The following SLC22A23 variants were observed in gnomAD, a reference collection of about 807,000 sequenced individuals.
The protein encoded by SLC22A23 is solute carrier family 22 member 23, also known as ion transporter protein.
SLC22A23 carries 26 observed loss-of-function variants against 61.0 expected under a neutral mutation model. That is an observed-to-expected ratio of 0.43 (90% CI 0.31 to 0.59). The LOEUF (loss-of-function observed/expected upper bound fraction) is 0.59, where lower values mean the gene tolerates loss of function less well. Among genes scored for constraint, SLC22A23 ranks in the 20% least tolerant of loss-of-function variants. SLC22A23 has a pLI of 0.11. For missense variants in SLC22A23, 796 were observed against 934.7 expected (o/e 0.85, Z 1.94); for synonymous variants, 430 against 413.9 (o/e 1.04, Z -0.47).
chr6:3,412,074 G>C (rs1769296042), intron 2 of SLC22A23, among the ~76,000 whole-genome samples: 2 of 152,186 alleles, frequency 1.3e-5, no homozygotes, highest in East Asian at 1.9e-4. Context: ...TAGGGGGGAT[G>C]ATGGGCACAG....
chr6:3,334,383 A>G (rs1581706215), intron 3 of SLC22A23, among the ~76,000 whole-genome samples: 1 of 150,548 alleles, frequency 6.6e-6, no homozygotes, highest in Admixed American at 6.6e-5. Flanking sequence ...CTGGTCTTGA[A>G]CTCCTGACCT....
chr6:3,335,521 C>T (rs1056188851), intron 3 of SLC22A23, among the ~76,000 whole-genome samples: 2 of 152,154 alleles, frequency 1.3e-5, no homozygotes, highest in African/African-American at 4.8e-5. Context: ...TTCCTCTCGC[C>T]CCATGTATCA....
At chr6:3,358,389 C>A (rs1240471722) in intron 3 of SLC22A23, among the ~76,000 whole-genome samples, 1 of 152,078 alleles carries the variant, frequency 6.6e-6, no homozygotes, top group Admixed American at 6.5e-5. Flanking sequence ...AATATGATTC[C>A]GCTTAAGAAC....
intron 4 of SLC22A23, among the ~76,000 whole-genome samples, chr6:3,305,003 C>A (rs1028257855): frequency 1.3e-5 from 2 of 152,030 alleles, no homozygotes; most frequent in African/African-American, 4.8e-5. Context: ...CCCAGGAGAT[C>A]TGGGCGCGAG....
chr6:3,381,143 A>G (rs1766926085), intron 3 of SLC22A23, among the ~76,000 whole-genome samples: 1 of 152,100 alleles, frequency 6.6e-6, no homozygotes, highest in Non-Finnish European at 1.5e-5. Context: ...TGTCTCCTTC[A>G]TCAGAGCCCG....
intron 3 of SLC22A23, among the ~76,000 whole-genome samples, chr6:3,382,589 C>G (rs28437727): frequency 0.013 from 1,959 of 152,324 alleles, 44 homozygotes; most frequent in African/African-American, 0.04. Flanking sequence ...GAGTCATCTA[C>G]GACAGAGGTT....
intron 1 of SLC22A23, among the ~76,000 whole-genome samples, chr6:3,441,480 A>C (rs916715589): frequency 2.8e-4 from 43 of 152,034 alleles, no homozygotes; most frequent in African/African-American, 1.0e-3. Flanking sequence ...CACTCTGCAC[A>C]TGTCCCTTCC....
In SLC22A23 at chr6:3,329,784, T is replaced by C. The variant is rs1257488295; in HGVS notation, c.914-5782A>G. Among the ~76,000 whole-genome samples the C allele has an allele frequency of 2.0e-5, 3 of 152,044 alleles. No homozygotes were observed. The highest frequency in any genetic ancestry group is 6.5e-5 in the Admixed American group (1 of 15,274). On this transcript the variant is annotated intron_variant, in intron 3 of 9. Transcript: ENST00000406686. This position sits in a 1 kb window ranked among gnomAD's most constrained non-coding sequence, Gnocchi z 4.8. ...CTATGTGTCGCTGGCCTCACAGACA[T>C]GAGGCCACCCTGCTAAGCTGCCCCG...
Position 3,269,768 on chromosome 6 carries a change from G to A in SLC22A23, c.*3287C>T, listed in dbSNP as rs1758357914. On this transcript the variant is annotated 3_prime_UTR_variant, in exon 10 of 10. Coordinates refer to ENST00000406686, the MANE Select transcript of SLC22A23 (RefSeq NM_015482.2). Reference sequence around the variant, plus strand: ...TTCTAGACGAGAGGACAGCTGTAGTGTGGACCTCCCCCGCACATGCGATAC... The same window carrying A: ...TTCTAGACGAGAGGACAGCTGTAGTATGGACCTCCCCCGCACATGCGATAC... 6.5e-6 allele frequency: 1 copy of A among 152,846 alleles called. No individual in the cohort carries two copies. The highest frequency in any genetic ancestry group is 2.4e-5 in the African/African-American group (1 of 41,476). 9.5% of individuals were successfully genotyped at this position (152,846 alleles called of 1,614,324 possible).
chr6:3,352,635 C>T (rs919979634), intron 3 of SLC22A23, among the ~76,000 whole-genome samples: 2 of 152,196 alleles, frequency 1.3e-5, no homozygotes, highest in Non-Finnish European at 2.9e-5. Flanking sequence ...GCTACTGGGA[C>T]TCACCTGAAT....
chr6:3,371,729 C>G (rs537895445), intron 3 of SLC22A23, among the ~76,000 whole-genome samples: 1 of 152,244 alleles, frequency 6.6e-6, no homozygotes, highest in East Asian at 1.9e-4. Flanking sequence ...ATGATGATAA[C>G]CACATTGATA....
intron 1 of SLC22A23, among the ~76,000 whole-genome samples, chr6:3,450,250 G>A (rs1324603612): frequency 1.3e-5 from 2 of 152,214 alleles, no homozygotes; most frequent in Non-Finnish European, 2.9e-5. Flanking sequence ...ATCCACTGTT[G>A]TTGCATATAC....
chr6:3,285,902 A>C (rs1759950669), intron 7 of SLC22A23, among the ~76,000 whole-genome samples: 1 of 152,096 alleles, frequency 6.6e-6, no homozygotes, highest in Admixed American at 6.5e-5. Flanking sequence ...ATGTTCCCGC[A>C]GTGTCCTGAG....
intron 9 of SLC22A23, among the ~76,000 whole-genome samples, chr6:3,280,356 C>T (rs902032657): frequency 6.6e-6 from 1 of 152,196 alleles, no homozygotes; most frequent in African/African-American, 2.4e-5. Flanking sequence ...CGGGCCATAT[C>T]ATCAGCACCC....
At chr6:3,406,054 C>T (rs1768804785) in intron 3 of SLC22A23, among the ~76,000 whole-genome samples, 1 of 152,018 alleles carries the variant, frequency 6.6e-6, no homozygotes, top group African/African-American at 2.4e-5. Context: ...GGGAAAAAAC[C>T]CTTCATTTGC....
At chr6:3,292,505 G>A (rs74830771) in intron 5 of SLC22A23, among the ~76,000 whole-genome samples, 10,941 of 152,266 alleles carry the variant, frequency 0.072, 1,401 homozygotes, top group African/African-American at 0.25. Flanking sequence ...GACAGAGGAG[G>A]AGGAGGACAC....
chr6:3,389,341 G>A (rs905149424), intron 3 of SLC22A23, among the ~76,000 whole-genome samples: 4 of 147,244 alleles, frequency 2.7e-5, no homozygotes, highest in Non-Finnish European at 6.0e-5. Flanking sequence ...ACAGAAGCAC[G>A]ATGCGAATAC....
chr6:3,371,274 G>T (rs1209796179), intron 3 of SLC22A23, among the ~76,000 whole-genome samples: 1 of 152,208 alleles, frequency 6.6e-6, no homozygotes, highest in African/African-American at 2.4e-5. Context: ...AATATTTTAG[G>T]TGCTGCAGGC....
In SLC22A23 at chr6:3,456,539, G is replaced by A. The variant is rs1180732188; in HGVS notation, c.21C>T (p.Arg7=). MAIDRR[R]EAAGGGPGRQ... ...GCCCAGGCCCGCCGCCCGCCGCCTC[G>A]CGCCGCCGGTCTATGGCCATGGCCC... is the stretch of plus-strand genomic sequence containing the variant. The change falls in exon 1 of 10, where the codon CGC becomes CGT. Residue 7 remains arginine (R), a synonymous_variant. Coordinates refer to ENST00000406686, the MANE Select transcript of SLC22A23 (RefSeq NM_015482.2). The surrounding 1 kb of genome is among the most constrained non-coding windows in gnomAD (Gnocchi z 7.1). 1.7e-5 allele frequency: 17 copies of A among 986,098 alleles called. No homozygotes were observed. The East Asian group carries it at 1.9e-3, about 111-fold the overall frequency. 61.1% of individuals were successfully genotyped at this position (986,098 alleles called of 1,614,324 possible). A position where few individuals can be genotyped will look rare whatever the true frequency, so the allele number is the denominator to read the frequency against.
Sources: allele counts gnomAD v4.1 joint callset (sites outside exome capture counted in the v4.1 genomes callset), GRCh38; gene constraint gnomAD v4.1.1; non-coding constraint Gnocchi (gnomAD v3.1); transcripts MANE v1.5; gene names NCBI Gene and HGNC (gene_info 2026-07-23, HGNC 2026-07-21).